Variants in MARCHF1 observed in about 807,000 individuals in gnomAD.
MARCHF1 encodes the protein E3 ubiquitin-protein ligase MARCHF1.
A neutral mutation model predicts 54.2 loss-of-function variants in MARCHF1; 40 were observed. That is an observed-to-expected ratio of 0.74 (90% CI 0.57 to 0.96). MARCHF1 has a LOEUF of 0.96. MARCHF1 is among the 40% of genes least tolerant of loss of function. The pLI, the probability that MARCHF1 is intolerant of heterozygous loss-of-function variation, is 0.00. For synonymous variants in MARCHF1, 236 were observed against 236.3 expected (o/e 1.00, Z 0.01); for missense variants, 586 against 656.5 (o/e 0.89, Z 1.17).
intron 2 of MARCHF1, among the ~76,000 whole-genome samples, chr4:164,056,902 C>T (rs937609594): frequency 4.6e-5 from 7 of 152,088 alleles, no homozygotes; most frequent in African/African-American, 9.7e-5. Flanking sequence ...CTCAGCCTCT[C>T]GCTCTCACAC....
In MARCHF1 at chr4:163,935,640, A is replaced by G. The variant is rs539136914; in HGVS notation, c.-39+52861T>C. On this transcript the variant is annotated intron_variant, in intron 3 of 9. Transcript: ENST00000514618. ...CTTAAGAGAATGTTGTAGATAATTG[A>G]TCTTCTAACCAGACCACTAAAACTT... Among the ~76,000 whole-genome samples the G allele has an allele frequency of 1.7e-3, 253 of 151,082 alleles. 1 individual carries two copies. The highest frequency in any genetic ancestry group is 3.1e-3 in the Non-Finnish European group (208 of 67,788).
At chr4:163,650,083 A>T (rs1451993489) in intron 5 of MARCHF1, among the ~76,000 whole-genome samples, 2 of 151,944 alleles carry the variant, frequency 1.3e-5, no homozygotes, top group East Asian at 3.9e-4. Context: ...ATGAGTGAGT[A>T]AACAGAAGAT....
chr4:163,900,350 T>G (rs28391473), intron 3 of MARCHF1, among the ~76,000 whole-genome samples: 1 of 104,436 alleles, frequency 9.6e-6, no homozygotes, highest in Non-Finnish European at 2.3e-5. Flanking sequence ...TTTTTTTTTT[T>G]TAAAAAAACT....
At chr4:163,536,125 T>G (rs1352699474) in intron 9 of MARCHF1, among the ~76,000 whole-genome samples, 1 of 152,220 alleles carries the variant, frequency 6.6e-6, no homozygotes, top group Non-Finnish European at 1.5e-5. Context: ...GCAAGACATC[T>G]TGCAGTTCTC....
chr4:164,128,237 G>C (rs1421032298), intron 1 of MARCHF1, among the ~76,000 whole-genome samples: 1 of 151,714 alleles, frequency 6.6e-6, no homozygotes, highest in African/African-American at 2.4e-5. Context: ...ATAATATGGA[G>C]GTATTTTTTA....
At chr4:163,941,632 T>G (rs1471180593) in intron 3 of MARCHF1, among the ~76,000 whole-genome samples, 1 of 152,100 alleles carries the variant, frequency 6.6e-6, no homozygotes. Flanking sequence ...GCCTAATAGA[T>G]GGACTTCCCT....
At chr4:163,929,234 T>C (rs756314549) in intron 3 of MARCHF1, among the ~76,000 whole-genome samples, 2 of 152,016 alleles carry the variant, frequency 1.3e-5, no homozygotes, top group Non-Finnish European at 2.9e-5. Context: ...TTAGGATCAC[T>C]GCTTCCTTGC....
intron 4 of MARCHF1, among the ~76,000 whole-genome samples, chr4:163,837,989 A>G (rs1051192629): frequency 2.6e-5 from 4 of 152,192 alleles, no homozygotes. Context: ...AAGCTAAGAA[A>G]TATCTTTCTA....
intron 1 of MARCHF1, among the ~76,000 whole-genome samples, chr4:164,296,225 C>T (rs1439810902): frequency 1.3e-5 from 2 of 152,132 alleles, no homozygotes; most frequent in Non-Finnish European, 2.9e-5. Context: ...TATGTTAGTT[C>T]ACCCAACAGG....
chr4:164,153,700 G>A (rs1430984), intron 1 of MARCHF1, among the ~76,000 whole-genome samples: 29,886 of 151,856 alleles, frequency 0.2, 4,788 homozygotes, highest in African/African-American at 0.43. Context: ...ACTAAAAATT[G>A]AAAAGAAAAA....
At chr4:163,540,585 C>T (rs565799468) in intron 9 of MARCHF1, among the ~76,000 whole-genome samples, 1 of 152,242 alleles carries the variant, frequency 6.6e-6, no homozygotes, top group South Asian at 2.1e-4. Context: ...TTTATATAGC[C>T]ATGTTTCAAT....
chr4:163,936,449 T>C (rs1333621692), intron 3 of MARCHF1, among the ~76,000 whole-genome samples: 1 of 152,206 alleles, frequency 6.6e-6, no homozygotes, highest in East Asian at 1.9e-4. Context: ...ATACTGTTGC[T>C]TCTATTTCTC....
chr4:163,956,586 C>G (rs1752237869), intron 3 of MARCHF1, among the ~76,000 whole-genome samples: 1 of 151,704 alleles, frequency 6.6e-6, no homozygotes, highest in Non-Finnish European at 1.5e-5. Flanking sequence ...TTAAAGGCAA[C>G]AAAATAGGAA....
intron 8 of MARCHF1, among the ~76,000 whole-genome samples, chr4:163,546,719 G>A (rs907405357): frequency 1.3e-5 from 2 of 152,106 alleles, no homozygotes; most frequent in Admixed American, 6.5e-5. Context: ...CTACTGTGAC[G>A]ACCGCTGTCC....
chr4:163,980,258 A>C (rs1363351926), intron 3 of MARCHF1, among the ~76,000 whole-genome samples: 62 of 137,516 alleles, frequency 4.5e-4, no homozygotes, highest in African/African-American at 1.0e-3. Flanking sequence ...GAAAAACAAG[A>C]AATGGGGAAA....
At chr4:163,955,760 G>A (rs115980029) in intron 3 of MARCHF1, among the ~76,000 whole-genome samples, 134 of 152,218 alleles carry the variant, frequency 8.8e-4, no homozygotes, top group African/African-American at 3.2e-3. Flanking sequence ...GCATATTCCA[G>A]TCATGTCCAT....
intron 4 of MARCHF1, among the ~76,000 whole-genome samples, chr4:163,735,241 A>G (rs1405651304): frequency 2.0e-5 from 3 of 151,988 alleles, no homozygotes; most frequent in Non-Finnish European, 2.9e-5. Flanking sequence ...CAATCCACCT[A>G]TCTCCCTGGA....
chr4:164,101,863 G>GA (rs1257890459), intron 2 of MARCHF1, among the ~76,000 whole-genome samples: 2 of 151,860 alleles, frequency 1.3e-5, no homozygotes, highest in African/African-American at 2.4e-5. Flanking sequence ...TGAAAACTTT[G>GA]AAAAAAAATT....
chr4:163,750,106 C>T (rs2110774721), intron 4 of MARCHF1, among the ~76,000 whole-genome samples: 1 of 151,280 alleles, frequency 6.6e-6, no homozygotes, highest in Non-Finnish European at 1.5e-5. Flanking sequence ...CTATTTACTT[C>T]TTCTTGTCCA....
Sources: allele counts gnomAD v4.1 joint callset (sites outside exome capture counted in the v4.1 genomes callset), GRCh38; gene constraint gnomAD v4.1.1; transcripts MANE v1.5; gene names NCBI Gene and HGNC (gene_info 2026-07-23, HGNC 2026-07-21).